Variants in KCNIP4 observed in about 807,000 individuals in gnomAD.
KCNIP4 encodes the protein potassium voltage-gated channel interacting protein 4.
Under a neutral mutation model 34.0 loss-of-function variants are expected in KCNIP4, and 12 were observed. The observed-to-expected ratio is 0.35, with a 90% CI of 0.23 to 0.57. The LOEUF is 0.57. Among genes scored for constraint, KCNIP4 ranks in the 20% least tolerant of loss-of-function variants. The pLI, the probability that KCNIP4 is intolerant of heterozygous loss-of-function variation, is 0.83. For missense variants in KCNIP4, 238 were observed against 311.7 expected, an observed-to-expected ratio of 0.76 and a Z score of 1.78; for synonymous variants, 124 against 102.2, an observed-to-expected ratio of 1.21 and a Z score of -1.29.
rs148973661 is a variant in KCNIP4, at chr4:21,030,462, T to C, written c.62-147753A>G. Among the ~76,000 whole-genome samples the C allele has an allele frequency of 3.1e-3, 479 of 152,284 alleles. 2 individuals carry two copies. Among genetic ancestry groups the C allele is most frequent in the African/African-American group, 0.011 (454 of 41,554 alleles). ...GAAATAAAGTGCACAATAAATGTAA[T>C]GTGCTTGAATCATCCCAAAACCATC... On this transcript the variant is annotated intron_variant, in intron 1 of 8. Coordinates refer to ENST00000382152, the MANE Select transcript of KCNIP4 (RefSeq NM_025221.6).
chr4:21,295,314 G>A (rs891266574), intron 1 of KCNIP4, among the ~76,000 whole-genome samples: 1 of 152,148 alleles, frequency 6.6e-6, no homozygotes, highest in Non-Finnish European at 1.5e-5. Context: ...GCAGAGCAAA[G>A]AGGTGTCTTG....
At chr4:21,646,778 T>C (rs1747053161) in intron 1 of KCNIP4, among the ~76,000 whole-genome samples, 2 of 152,160 alleles carry the variant, frequency 1.3e-5, no homozygotes, top group Non-Finnish European at 2.9e-5. Context: ...ACTGATTATA[T>C]CTATGGCAAA....
chr4:21,029,195 G>T (rs547270890), intron 1 of KCNIP4, among the ~76,000 whole-genome samples: 1 of 152,166 alleles, frequency 6.6e-6, no homozygotes, highest in South Asian at 2.1e-4. Flanking sequence ...CTAAGATGAG[G>T]GTAACTTCAA....
chr4:21,416,847 G>T (rs1246192717), intron 1 of KCNIP4, among the ~76,000 whole-genome samples: 6 of 152,142 alleles, frequency 3.9e-5, no homozygotes, highest in Non-Finnish European at 7.3e-5. Context: ...AATTCCACTT[G>T]TTCAGGACTC....
chr4:21,428,248 T>C (rs1726103984), intron 1 of KCNIP4, among the ~76,000 whole-genome samples: 1 of 152,274 alleles, frequency 6.6e-6, no homozygotes, highest in Non-Finnish European at 1.5e-5. Flanking sequence ...GAGAATGACA[T>C]CGTATAGTCG....
intron 1 of KCNIP4, among the ~76,000 whole-genome samples, chr4:21,092,657 C>A (rs931598557): frequency 1.3e-5 from 2 of 152,034 alleles, no homozygotes; most frequent in African/African-American, 4.8e-5. Context: ...CAATGAGGAC[C>A]AAATGATATG....
At chr4:21,577,661 AAAC>A (rs2109064240) in intron 1 of KCNIP4, among the ~76,000 whole-genome samples, 1 of 144,982 alleles carries the variant, frequency 6.9e-6, no homozygotes, top group African/African-American at 2.6e-5. Context: ...AACAAACAAA[AAAC>A]TGCAATTCCA....
chr4:21,602,682 T>C (rs1743288199), intron 1 of KCNIP4, among the ~76,000 whole-genome samples: 1 of 152,212 alleles, frequency 6.6e-6, no homozygotes, highest in Non-Finnish European at 1.5e-5. Flanking sequence ...TTATGGCTAA[T>C]GCAACAATTG....
At chr4:20,965,583 C>T in intron 1 of KCNIP4, among the ~76,000 whole-genome samples, 1 of 152,152 alleles carries the variant, frequency 6.6e-6, no homozygotes, top group Middle Eastern at 3.2e-3. Flanking sequence ...ATATTCTGGT[C>T]TCTCTGGAGT....
intron 1 of KCNIP4, among the ~76,000 whole-genome samples, chr4:21,528,675 CAAAGAAAGAAAGAAAGAAAGAAAGAAAG>C (rs1210670568): frequency 1.8e-4 from 15 of 84,244 alleles, no homozygotes; most frequent in Non-Finnish European, 3.0e-4. Context: ...TCATAAAAAA[CAAAGAAAGAAAGAAAGAAAGAAAGAAAG>C]AAAGAAAGAA....
At chr4:20,983,871 T>C (rs2149695596) in intron 1 of KCNIP4, 10 of 1,536,240 alleles carry the variant, frequency 6.5e-6, no homozygotes, top group Non-Finnish European at 8.7e-6. Flanking sequence ...GCACATATAA[T>C]CACAACAATA....
chr4:20,828,737 T>G (rs1470445786), intron 3 of KCNIP4, among the ~76,000 whole-genome samples: 1 of 152,214 alleles, frequency 6.6e-6, no homozygotes, highest in Non-Finnish European at 1.5e-5. Context: ...TGCACATTGT[T>G]TGTTGAATTT....
At chr4:21,105,532 C>T (rs1204575704) in intron 1 of KCNIP4, among the ~76,000 whole-genome samples, 1 of 151,674 alleles carries the variant, frequency 6.6e-6, no homozygotes, top group Non-Finnish European at 1.5e-5. Flanking sequence ...ACAATCATGT[C>T]ATCTGCAAAC....
chr4:20,798,222 T>C (rs1713734555), intron 3 of KCNIP4, among the ~76,000 whole-genome samples: 1 of 152,214 alleles, frequency 6.6e-6, no homozygotes, highest in Non-Finnish European at 1.5e-5. Context: ...AATGTAACAT[T>C]ATTTACTGTT....
At chr4:21,234,261 C>T (rs1444491586) in intron 1 of KCNIP4, among the ~76,000 whole-genome samples, 5 of 110,678 alleles carry the variant, frequency 4.5e-5, no homozygotes, top group Admixed American at 1.1e-4. Flanking sequence ...TTATATATAA[C>T]ATATATAACA....
At position 20,762,393 on chromosome 4, in the gene KCNIP4, A is replaced by G. The variant is rs368605133; in HGVS notation, c.289-3503T>C. 2.6e-5 allele frequency among the ~76,000 whole-genome samples: 4 copies of G among 152,364 alleles called. 1 individual carries two copies. Among genetic ancestry groups the G allele is most frequent in the East Asian group, 1.9e-4 (1 of 5,188 alleles). On this transcript the variant is annotated intron_variant, in intron 3 of 8. Coordinates refer to ENST00000382152, the MANE Select transcript of KCNIP4 (RefSeq NM_025221.6). Reference sequence around the variant, plus strand: ...AAACATTCAGACCATAGCAAAGACCAATAACTAAATATTAAAAAATCAAAT... The same window carrying G: ...AAACATTCAGACCATAGCAAAGACCGATAACTAAATATTAAAAAATCAAAT...
chr4:21,503,082 G>C (rs1733497120), intron 1 of KCNIP4, among the ~76,000 whole-genome samples: 1 of 152,034 alleles, frequency 6.6e-6, no homozygotes, highest in African/African-American at 2.4e-5. Flanking sequence ...CTTCATCTGG[G>C]ATTAACTTCA....
chr4:21,179,752 C>A (rs1008464886), intron 1 of KCNIP4, among the ~76,000 whole-genome samples: 11 of 152,112 alleles, frequency 7.2e-5, no homozygotes. Context: ...TACAAAAAAA[C>A]TTATTTTCTT....
At chr4:21,321,313 T>C (rs1190777951) in intron 1 of KCNIP4, among the ~76,000 whole-genome samples, 5 of 152,044 alleles carry the variant, frequency 3.3e-5, no homozygotes, top group Non-Finnish European at 7.4e-5. Flanking sequence ...TAGAGAATGA[T>C]AAAAAGATGA....
Sources: gnomAD v4.1 joint callset for allele counts (sites outside exome capture counted in the v4.1 genomes callset) on GRCh38, gnomAD v4.1.1 for gene constraint, MANE v1.5 for transcripts, NCBI Gene and HGNC (gene_info 2026-07-23, HGNC 2026-07-21) for gene names.